The following NCOR1 variants were observed in gnomAD, a reference collection of about 807,000 sequenced individuals.
The protein encoded by NCOR1 is nuclear receptor corepressor 1.
Under a neutral mutation model 288.1 loss-of-function variants are expected in NCOR1, and 63 were observed. The observed-to-expected ratio is 0.22, with a 90% CI of 0.18 to 0.27. The LOEUF is 0.27. NCOR1 is among the 10% of genes least tolerant of loss of function. The pLI, the probability that NCOR1 is intolerant of heterozygous loss-of-function variation, is 1.00. For synonymous variants in NCOR1, 1,007 were observed against 1,065.9 expected, an observed-to-expected ratio of 0.94 and a Z score of 1.08; for missense variants, 2,397 against 3,019.2, an observed-to-expected ratio of 0.79 and a Z score of 4.83.
At chr17:16,090,256 G>A (rs2064964254) in intron 22 of NCOR1, among the ~76,000 whole-genome samples, 2 of 152,072 alleles carry the variant, frequency 1.3e-5, no homozygotes, top group South Asian at 4.1e-4. Flanking sequence ...GTTATGCCTT[G>A]TCATAAGTTC....
chr17:16,137,542 C>T, intron 13 of NCOR1, 130 bp from the exon 14 acceptor site: 1 of 518,846 alleles, frequency 1.9e-6, no homozygotes. Context: ...ACATACATTG[C>T]TAGCATTTTA....
chr17:16,070,587 G>T (rs2061632867), intron 30 of NCOR1, 62 bp from the exon 31 acceptor site: 2 of 1,566,952 alleles, frequency 1.3e-6, no homozygotes, highest in Non-Finnish European at 1.7e-6. Context: ...TCTATCTCAG[G>T]TCTATGTCTG....
At chr17:16,045,380 A>G (rs2058490317) in intron 42 of NCOR1, among the ~76,000 whole-genome samples, 1 of 152,232 alleles carries the variant, frequency 6.6e-6, no homozygotes, top group Admixed American at 6.5e-5. Flanking sequence ...AATGGAGATA[A>G]TTGTAATATG....
At chr17:16,200,048 A>C (rs1215754820) in intron 1 of NCOR1, among the ~76,000 whole-genome samples, 1 of 152,162 alleles carries the variant, frequency 6.6e-6, no homozygotes, top group Non-Finnish European at 1.5e-5. Context: ...AAAATCTTGC[A>C]ACAACAAAAT....
intron 14 of NCOR1, among the ~76,000 whole-genome samples, chr17:16,133,856 A>AT (rs2076013499): frequency 6.6e-6 from 1 of 152,162 alleles, no homozygotes; most frequent in Admixed American, 6.5e-5. Flanking sequence ...TCCTTTCCTC[A>AT]TCCCCACAAT....
chr17:16,115,108 T>A (rs2071307562), intron 18 of NCOR1, among the ~76,000 whole-genome samples: 1 of 152,178 alleles, frequency 6.6e-6, no homozygotes, highest in African/African-American at 2.4e-5. Flanking sequence ...CAACACCATA[T>A]GGAAGCTGCA....
At chr17:16,133,186 C>A (rs1173474144) in intron 14 of NCOR1, among the ~76,000 whole-genome samples, 1 of 152,156 alleles carries the variant, frequency 6.6e-6, no homozygotes, top group East Asian at 1.9e-4. Context: ...CCAGGCTGGT[C>A]TCGAATTCCT....
At chr17:16,056,276 T>C (rs1244626466) in intron 40 of NCOR1, among the ~76,000 whole-genome samples, 2 of 151,348 alleles carry the variant, frequency 1.3e-5, no homozygotes, top group Admixed American at 6.6e-5. Context: ...GATCTGCCCA[T>C]ATCTCAGTCT....
intron 22 of NCOR1, among the ~76,000 whole-genome samples, chr17:16,089,595 G>C (rs2064846025): frequency 1.3e-5 from 2 of 152,100 alleles, no homozygotes; most frequent in South Asian, 4.1e-4. Flanking sequence ...TGCTAAAAGA[G>C]ACCATGAAGG....
intron 10 of NCOR1, among the ~76,000 whole-genome samples, chr17:16,145,678 G>A (rs904052814): frequency 2.0e-5 from 3 of 152,116 alleles, no homozygotes; most frequent in South Asian, 2.1e-4. Context: ...GAGGTGGGGG[G>A]CAGCCCCCGC....
At chr17:16,079,453 G>A (rs1172580288) in intron 26 of NCOR1, among the ~76,000 whole-genome samples, 1 of 152,112 alleles carries the variant, frequency 6.6e-6, no homozygotes, top group African/African-American at 2.4e-5. Context: ...ACAACTAACT[G>A]AGAGAAATTT....
intron 3 of NCOR1, among the ~76,000 whole-genome samples, chr17:16,181,738 TA>T (rs2085531545): frequency 6.6e-6 from 1 of 152,184 alleles, no homozygotes; most frequent in African/African-American, 2.4e-5. Context: ...AAATCATTCT[TA>T]ACTTGAGGGC....
At chr17:16,132,779 T>C (rs1174200194) in intron 14 of NCOR1, among the ~76,000 whole-genome samples, 1 of 148,564 alleles carries the variant, frequency 6.7e-6, no homozygotes, top group East Asian at 2.0e-4. Flanking sequence ...AATCTATCAA[T>C]AGCAAACTAC....
chr17:16,091,874 CTGTT>C lies in NCOR1; in HGVS notation c.3001_3004del (p.Asn1001GlufsTer13). 6.2e-7 allele frequency: 1 copy of C among 1,614,112 alleles called. No homozygotes were observed. The highest frequency in any genetic ancestry group is 8.5e-7 in the Non-Finnish European group (1 of 1,180,022). ...CTCTATCTACCTACCTTCCCACTCT[CTGTT>C]TGGACTCTTGGATGTGCCACATGGA... is the stretch of plus-strand genomic sequence containing the variant. On this transcript the variant is annotated frameshift_variant, in exon 22 of 46. Coordinates refer to ENST00000268712, the MANE Select transcript of NCOR1 (RefSeq NM_006311.4). LOFTEE classifies it high-confidence loss of function.
intron 18 of NCOR1, among the ~76,000 whole-genome samples, chr17:16,115,141 T>C (rs924629507): frequency 3.9e-5 from 6 of 152,210 alleles, no homozygotes; most frequent in African/African-American, 1.4e-4. Flanking sequence ...TTGCACCCTC[T>C]GAAGCCACGG....
intron 32 of NCOR1, 77 bp from the exon 33 acceptor site, chr17:16,065,771 A>T (rs752680452): frequency 3.1e-4 from 409 of 1,317,328 alleles, no homozygotes; most frequent in Non-Finnish European, 4.7e-5. Flanking sequence ...CGTACAAAAG[A>T]GTAGAGAAAA....
intron 40 of NCOR1, among the ~76,000 whole-genome samples, chr17:16,052,560 T>C (rs933869615): frequency 6.6e-6 from 1 of 152,118 alleles, no homozygotes; most frequent in African/African-American, 2.4e-5. Flanking sequence ...AGGAAAAAAC[T>C]GATTCCCTGA....
At chr17:16,110,696 G>C (rs1267585321) in intron 18 of NCOR1, among the ~76,000 whole-genome samples, 1 of 152,208 alleles carries the variant, frequency 6.6e-6, no homozygotes, top group Non-Finnish European at 1.5e-5. Context: ...CTCCTCAGAA[G>C]AGGAAAATAT....
At chr17:16,040,620 A>G (rs1375315524) in intron 42 of NCOR1, 126 bp from the exon 43 acceptor site, 3 of 839,750 alleles carry the variant, frequency 3.6e-6, no homozygotes, top group Admixed American at 2.3e-5. Flanking sequence ...TTTATTTCTC[A>G]CCCATTAAGT....
Sources: allele counts gnomAD v4.1 joint callset (sites outside exome capture counted in the v4.1 genomes callset), GRCh38; gene constraint gnomAD v4.1.1; transcripts MANE v1.5; gene names NCBI Gene and HGNC (gene_info 2026-07-23, HGNC 2026-07-21).